PCDHGA9: variants seen among roughly 807,000 people sequenced by gnomAD.
PCDHGA9 encodes protocadherin gamma subfamily A, 9.
In PCDHGA9, 37 loss-of-function variants were observed where a neutral mutation model predicts 62.5. That is an observed-to-expected ratio of 0.59 (90% CI 0.46 to 0.78). PCDHGA9 has a LOEUF of 0.78. PCDHGA9 is among the 30% of genes least tolerant of loss of function. The probability of loss-of-function intolerance (pLI) is 0.00; values close to 1 mark genes in which losing one functional copy is unlikely to be tolerated. For synonymous variants in PCDHGA9, 459 were observed against 484.6 expected (o/e 0.95, Z 0.69); for missense variants, 1,138 against 1,166.2 (o/e 0.98, Z 0.35).
chr5:141,415,584 T>C lies in PCDHGA9; in HGVS notation c.2424+10208T>C, dbSNP rs763238799. 7.4e-6 allele frequency: 12 copies of C among 1,614,012 alleles called. No individual in the cohort carries two copies. In the South Asian group the frequency reaches 1.3e-4, roughly 18 times the overall value. ...TGTCTTTGTTAGATGATTCGAAGTT[T>C]CCTATAGAGGATACCCCATTGGTTC... On this transcript the variant is annotated intron_variant, in intron 1 of 3. Coordinates refer to ENST00000573521, the MANE Select transcript of PCDHGA9 (RefSeq NM_018921.3).
intron 1 of PCDHGA9, among the ~76,000 whole-genome samples, chr5:141,475,007 G>A (rs1017671344): frequency 2.0e-5 from 3 of 152,178 alleles, no homozygotes; most frequent in East Asian, 1.9e-4. Flanking sequence ...ATGCAGAAAA[G>A]TTAAGGCTCT....
chr5:141,428,233 C>A, intron 1 of PCDHGA9: 1 of 1,049,106 alleles, frequency 9.5e-7, no homozygotes, highest in Non-Finnish European at 1.4e-6. Context: ...AGACAGCCTG[C>A]AGGAGGCACT....
At position 141,430,258 on chromosome 5, in the gene PCDHGA9, A is replaced by G. The variant is rs542653323; in HGVS notation, c.2424+24882A>G. On this transcript the variant is annotated intron_variant, in intron 1 of 3. Coordinates refer to ENST00000573521, the MANE Select transcript of PCDHGA9 (RefSeq NM_018921.3). ...GAGAAACTCCTAGGGAGACATCTCC[A>G]TAATAGGTGTGTTGGGGGAACAGTA... is the stretch of plus-strand genomic sequence containing the variant. Among the ~76,000 whole-genome samples the G allele has an allele frequency of 5.4e-5, 8 of 148,074 alleles. No homozygotes were observed. In the South Asian group the frequency reaches 8.5e-4, roughly 16 times the overall value.
intron 1 of PCDHGA9, chr5:141,408,661 G>T (rs1462103250): frequency 1.2e-6 from 2 of 1,613,888 alleles, no homozygotes; most frequent in Middle Eastern, 3.3e-4. Context: ...CACGACTATC[G>T]CTTGACCCTG....
chr5:141,432,823 C>A lies in PCDHGA9; in HGVS notation c.2424+27447C>A. 1 of 1,614,184 alleles carries A rather than the reference C, an allele frequency of 6.2e-7. No homozygotes were observed. Among genetic ancestry groups the A allele is most frequent in the Non-Finnish European group, 8.5e-7 (1 of 1,180,004 alleles). On this transcript the variant is annotated intron_variant, in intron 1 of 3. Transcript: ENST00000573521. The surrounding 1 kb of genome is among the most constrained non-coding windows in gnomAD (Gnocchi z 6.0). ...CTCCAGCTAACTCTGAAACCTCAGA[C>A]CTCACTCTGTACCTGGTGGTAGCGG...
In PCDHGA9 at chr5:141,432,770, G is replaced by A. The variant is rs930442281; in HGVS notation, c.2424+27394G>A. The A allele has an allele frequency of 6.2e-7, 1 of 1,614,128 alleles. No individual in the cohort carries two copies. On this transcript the variant is annotated intron_variant, in intron 1 of 3. Coordinates refer to ENST00000573521, the MANE Select transcript of PCDHGA9 (RefSeq NM_018921.3). This position sits in a 1 kb window ranked among gnomAD's most constrained non-coding sequence, Gnocchi z 6.0. ...GGCCGTGGCCGACAGCATCCCCCAAGTCCTGGCGGACCTCGGCAGCCTCGA... is the reference window on the plus strand; with the variant it reads ...GGCCGTGGCCGACAGCATCCCCCAAATCCTGGCGGACCTCGGCAGCCTCGA...
rs35821115 is a variant in PCDHGA9, at chr5:141,460,961, ATGTG to A, written c.2425-33826_2425-33823del. 3.6e-3 allele frequency among the ~76,000 whole-genome samples: 519 copies of A among 144,600 alleles called. 3 individuals carry two copies. The highest frequency in any genetic ancestry group is 4.3e-3 in the African/African-American group (168 of 38,712). The allele number at this position is 144,600 out of a possible 152,430, so 94.9% of individuals were successfully genotyped here. A position where few individuals can be genotyped will look rare whatever the true frequency, so the allele number is the denominator to read the frequency against. ...ATATATATGTATTATGTATATATAT[ATGTG>A]TGTGTGTGTGTGTGTGTGTATATAT... On this transcript the variant is annotated intron_variant, in intron 1 of 3. Transcript: ENST00000573521.
rs1467738404 is a variant in PCDHGA9 at position 141,430,698 on chromosome 5, G to A, written c.2424+25322G>A. On this transcript the variant is annotated intron_variant, in intron 1 of 3. Coordinates refer to ENST00000573521, the MANE Select transcript of PCDHGA9 (RefSeq NM_018921.3). The stretch of plus-strand genomic sequence containing the variant: ...CAACTGTCCCATTCTATGGGCGAAG[G>A]AACTGCTCCTGACTTCAGTGGTTAA... 4.1e-6 allele frequency: 6 copies of A among 1,451,686 alleles called. No homozygotes were observed. The South Asian group carries it at 7.8e-5, about 19-fold the overall frequency. The allele number at this position is 1,451,686 out of a possible 1,614,324, so 89.9% of individuals were successfully genotyped here.
chr5:141,428,536 A>G (rs981530261), intron 1 of PCDHGA9: 1 of 273,778 alleles, frequency 3.7e-6, no homozygotes, highest in Non-Finnish European at 7.2e-6. Flanking sequence ...TTTTCTCACC[A>G]TGACACCAGA....
Position 141,489,699 on chromosome 5 carries a change from A to G in PCDHGA9, c.2425-5108A>G. ...CAGCAGCATCTGGGGCACGATTCCC[A>G]CTGGACAGTGCCCAGGATCCGGATG... is the stretch of plus-strand genomic sequence containing the variant. On this transcript the variant is annotated intron_variant, in intron 1 of 3. Transcript: ENST00000573521. The surrounding 1 kb of genome is among the most constrained non-coding windows in gnomAD (Gnocchi z 4.5). The G allele has an allele frequency of 6.2e-7, 1 of 1,614,102 alleles. No homozygotes were observed. The highest frequency in any genetic ancestry group is 8.5e-7 in the Non-Finnish European group (1 of 1,179,956).
intron 1 of PCDHGA9, chr5:141,413,935 A>G: frequency 1.2e-6 from 2 of 1,613,372 alleles, no homozygotes; most frequent in Non-Finnish European, 1.7e-6. Flanking sequence ...ATACCGAGTG[A>G]GTGTTCCTGA....
Position 141,476,447 on chromosome 5 carries a change from G to A in PCDHGA9, c.2425-18360G>A. 2 of 1,614,130 alleles carry A rather than the reference G, an allele frequency of 1.2e-6. No homozygotes were observed. The highest frequency in any genetic ancestry group is 1.7e-6 in the Non-Finnish European group (2 of 1,180,026). On this transcript the variant is annotated intron_variant, in intron 1 of 3. Transcript: ENST00000573521. This position sits in a 1 kb window ranked among gnomAD's most constrained non-coding sequence, Gnocchi z 7.6. ...CTCTTGCACTGTAACTCTGGAGTTGGTAGTGGAGAACCCGCTGGAGCTGTT... is the reference window on the plus strand; with the variant it reads ...CTCTTGCACTGTAACTCTGGAGTTGATAGTGGAGAACCCGCTGGAGCTGTT...
At position 141,471,055 on chromosome 5, in the gene PCDHGA9, T is replaced by C. The variant is rs1229791864; in HGVS notation, c.2425-23752T>C. Reference sequence around the variant, plus strand: ...AACAAGCCCAAGCCCTCTTTTTTTTTTTTTTTTTTTTGAGACAGGGTCTCC... The same window carrying C: ...AACAAGCCCAAGCCCTCTTTTTTTTCTTTTTTTTTTTGAGACAGGGTCTCC... On this transcript the variant is annotated intron_variant, in intron 1 of 3. Coordinates refer to ENST00000573521, the MANE Select transcript of PCDHGA9 (RefSeq NM_018921.3). Among the ~76,000 whole-genome samples the C allele has an allele frequency of 1.7e-4, 25 of 148,764 alleles. 2 individuals are homozygous for C. The Admixed American group carries it at 1.7e-3, about 10-fold the overall frequency.
chr5:141,470,147 T>A (rs1394329530), intron 1 of PCDHGA9, among the ~76,000 whole-genome samples: 1 of 152,172 alleles, frequency 6.6e-6, no homozygotes. Context: ...AGATCATAGA[T>A]CATCTTATCA....
At chr5:141,419,807 G>A in intron 1 of PCDHGA9, 2 of 1,614,074 alleles carry the variant, frequency 1.2e-6, no homozygotes, top group South Asian at 1.1e-5. Flanking sequence ...AAGAGATGGA[G>A]GACAGCCACC....
At chr5:141,495,710 G>C (rs2099763133) in intron 2 of PCDHGA9, among the ~76,000 whole-genome samples, 1 of 152,148 alleles carries the variant, frequency 6.6e-6, no homozygotes, top group Non-Finnish European at 1.5e-5. Flanking sequence ...TGTGGAGTGA[G>C]TAACTACACG....
chr5:141,492,998 C>A (rs2154589328), intron 1 of PCDHGA9, among the ~76,000 whole-genome samples: 1 of 152,334 alleles, frequency 6.6e-6, no homozygotes, highest in Admixed American at 6.5e-5. Flanking sequence ...AGATGGAAAG[C>A]TATAGGCTCT....
At chr5:141,469,362 G>GT (rs1212141268) in intron 1 of PCDHGA9, among the ~76,000 whole-genome samples, 4 of 152,084 alleles carry the variant, frequency 2.6e-5, no homozygotes, top group Non-Finnish European at 5.9e-5. Flanking sequence ...GGATCATGAG[G>GT]TAAAGAGATC....
intron 1 of PCDHGA9, chr5:141,440,744 A>C (rs2098197850): frequency 6.6e-6 from 1 of 152,194 alleles, no homozygotes; most frequent in Non-Finnish European, 1.5e-5. Context: ...CTGCTTGACT[A>C]GGAAAAGCAG....
Sources: allele counts gnomAD v4.1 joint callset (sites outside exome capture counted in the v4.1 genomes callset), GRCh38; gene constraint gnomAD v4.1.1; non-coding constraint Gnocchi (gnomAD v3.1); transcripts MANE v1.5; gene names NCBI Gene and HGNC (gene_info 2026-07-23, HGNC 2026-07-21).